The following BCAS2 variants were observed in gnomAD, a reference collection of about 807,000 sequenced individuals.
BCAS2 encodes the protein pre-mRNA-splicing factor SPF27.
A neutral mutation model predicts 35.3 loss-of-function variants in BCAS2; 34 were observed. The observed-to-expected ratio is 0.96, with a 90% CI of 0.73 to 1.28. The LOEUF is 1.28. Ranked by LOEUF, BCAS2 falls within the 50% of genes most tolerant of loss-of-function variation. BCAS2 has a pLI of 0.00. For synonymous variants in BCAS2, 75 were observed against 91.6 expected (o/e 0.82, Z 1.03); for missense variants, 221 against 268.1 (o/e 0.82, Z 1.23).
At chr1:114,569,197 T>C (rs1212590686) in intron 6 of BCAS2, among the ~76,000 whole-genome samples, 1 of 152,120 alleles carries the variant, frequency 6.6e-6, no homozygotes, top group African/African-American at 2.4e-5. Context: ...GAAGATAGTA[T>C]TTAATCAACA....
In BCAS2 at chr1:114,567,751, CTCTT is replaced by C. The variant is rs746934266; in HGVS notation, c.*375_*378del. The C allele has an allele frequency of 4.3e-4, 72 of 168,658 alleles. No individual in the cohort carries two copies. The highest frequency in any genetic ancestry group is 7.8e-4 in the Non-Finnish European group (61 of 77,954). 10.4% of individuals were successfully genotyped at this position (168,658 alleles called of 1,614,324 possible). On this transcript the variant is annotated 3_prime_UTR_variant, in exon 7 of 7. Transcript: ENST00000369541. ...TGATCAAGAATGTGTTTAGAACTATCTCTTTATTAGACAAAGTCATAAACCAAAA... is the reference window on the plus strand; with the variant it reads ...TGATCAAGAATGTGTTTAGAACTATCTATTAGACAAAGTCATAAACCAAAA...
chr1:114,576,823 A>G (rs573780560), intron 2 of BCAS2, 65 bp from the exon 3 acceptor site: 11 of 1,269,892 alleles, frequency 8.7e-6, no homozygotes, highest in African/African-American at 5.9e-5. Context: ...AACAATCACC[A>G]AAGAACAGAT....
chr1:114,578,093 G>A (rs989172854), intron 2 of BCAS2, among the ~76,000 whole-genome samples: 2 of 152,136 alleles, frequency 1.3e-5, no homozygotes, highest in Admixed American at 1.3e-4. Context: ...CGGAGGCTGA[G>A]GCAGGAGAAT....
At chr1:114,568,347 G>T in intron 6 of BCAS2, 91 bp from the exon 7 acceptor site, 1 of 1,326,982 alleles carries the variant, frequency 7.5e-7, no homozygotes, top group Non-Finnish European at 1.0e-6. Flanking sequence ...TGTTCACCCA[G>T]AGCTATAACA....
intron 4 of BCAS2, among the ~76,000 whole-genome samples, chr1:114,573,245 C>T (rs536911674): frequency 6.6e-6 from 1 of 150,878 alleles, no homozygotes; most frequent in African/African-American, 2.4e-5. Context: ...TTTTCCTCTG[C>T]ATCTATGCTC....
chr1:114,580,074 C>T (rs982404828), intron 2 of BCAS2, among the ~76,000 whole-genome samples: 2 of 152,002 alleles, frequency 1.3e-5, no homozygotes, highest in Non-Finnish European at 2.9e-5. Context: ...GCTGGGGCTA[C>T]AGGTGCATGC....
intron 3 of BCAS2, 75 bp downstream of exon 3, chr1:114,576,613 T>C: frequency 7.9e-7 from 1 of 1,271,670 alleles, no homozygotes; most frequent in Non-Finnish European, 1.1e-6. Context: ...AGCCAGCAAA[T>C]ACATTCTTCA....
At chr1:114,574,287 G>T (rs766636513) in intron 4 of BCAS2, among the ~76,000 whole-genome samples, 30 of 152,214 alleles carry the variant, frequency 2.0e-4, no homozygotes, top group Non-Finnish European at 3.2e-4. Flanking sequence ...CACATTTTCA[G>T]CTGAGGATGA....
rs1248222502 is a variant in BCAS2 at position 114,568,168 on chromosome 1, C to T, written c.640G>A (p.Gly214Arg). 9 of 1,613,268 alleles carry T rather than the reference C, an allele frequency of 5.6e-6. No individual in the cohort carries two copies. The Admixed American group carries it at 6.7e-5, about 12-fold the overall frequency. ...CGGATGTTTTCTTTGTTTGCCTCTCCATGTTGCTGCTTAATTTGATAGATT... is the reference window on the plus strand; with the variant it reads ...CGGATGTTTTCTTTGTTTGCCTCTCTATGTTGCTGCTTAATTTGATAGATT... Reference protein sequence around the residue: ...NEIYQIKQQHGEANKENIRQD... With the variant: ...NEIYQIKQQHREANKENIRQD... Residue 214 changes from glycine (G) to arginine (R), a missense_variant, in exon 7 of 7, where the codon GGA (glycine) becomes AGA (arginine). By Grantham distance (125) the Gly-to-Arg change is moderately radical. Transcript: ENST00000369541.
At chr1:114,568,903 C>T (rs1654584934) in intron 6 of BCAS2, among the ~76,000 whole-genome samples, 1 of 151,524 alleles carries the variant, frequency 6.6e-6, no homozygotes, top group Non-Finnish European at 1.5e-5. Flanking sequence ...GCTTAGACTA[C>T]AGGTGCATGC....
chr1:114,579,749 C>A (rs1416324167), intron 2 of BCAS2, among the ~76,000 whole-genome samples: 1 of 151,954 alleles, frequency 6.6e-6, no homozygotes, highest in Non-Finnish European at 1.5e-5. Flanking sequence ...ACCTGCAATC[C>A]CAGCTACTCG....
rs564301034 is a variant in BCAS2, at chr1:114,581,482, A to T, written c.93+17T>A. 4.2e-5 allele frequency: 68 copies of T among 1,614,114 alleles called. No homozygotes were observed. The South Asian group carries it at 7.2e-4, about 17-fold the overall frequency. On this transcript the variant is annotated intron_variant, in intron 1 of 6. Coordinates refer to ENST00000369541, the MANE Select transcript of BCAS2 (RefSeq NM_005872.3). ...CCAGCTAGCAGTGAGTCAGCTACAA[A>T]GACACCCCGCACTCACCGCTTCCCG...
chr1:114,567,906 C>G lies in BCAS2; in HGVS notation c.*224G>C, dbSNP rs1348650240. ...TCTAAAGTCATCCTTATTTTGAAAGCCTAAAGATTTTCTTTTATGGCTATA... is the reference window on the plus strand; with the variant it reads ...TCTAAAGTCATCCTTATTTTGAAAGGCTAAAGATTTTCTTTTATGGCTATA... On this transcript the variant is annotated 3_prime_UTR_variant, in exon 7 of 7. Coordinates refer to ENST00000369541, the MANE Select transcript of BCAS2 (RefSeq NM_005872.3). The G allele has an allele frequency of 2.1e-6, 1 of 469,348 alleles. No homozygotes were observed. The highest frequency in any genetic ancestry group is 2.0e-5 in the African/African-American group (1 of 51,046). The allele number at this position is 469,348 out of a possible 1,614,324, so 29.1% of individuals were successfully genotyped here.
intron 4 of BCAS2, among the ~76,000 whole-genome samples, chr1:114,573,728 C>T (rs1020981398): frequency 3.3e-5 from 5 of 152,010 alleles, no homozygotes; most frequent in Non-Finnish European, 7.4e-5. Context: ...CTTAATCACC[C>T]TAATCCCATT....
At chr1:114,580,159 A>T (rs1012341703) in intron 2 of BCAS2, among the ~76,000 whole-genome samples, 1 of 152,108 alleles carries the variant, frequency 6.6e-6, no homozygotes, top group Non-Finnish European at 1.5e-5. Flanking sequence ...GCTGGTCTCA[A>T]GTGATCCTCA....
rs201857003 is a variant in BCAS2, at chr1:114,576,763, T to C, written c.187-5A>G. ...TTCATTTCTCATTATGTCAGTCTGA[T>C]GTGTAAATCAGAAAAAAGATTTCTA... is the stretch of plus-strand genomic sequence containing the variant. On this transcript the variant is annotated splice_region_variant and splice_polypyrimidine_tract_variant and intron_variant, in intron 2 of 6. Transcript: ENST00000369541. 23 of 1,604,398 alleles carry C rather than the reference T, an allele frequency of 1.4e-5. No homozygotes were observed. The highest frequency in any genetic ancestry group is 2.2e-5 in the East Asian group (1 of 44,826).
chr1:114,569,186 T>G (rs1654591238), intron 6 of BCAS2, among the ~76,000 whole-genome samples: 1 of 151,096 alleles, frequency 6.6e-6, no homozygotes, highest in South Asian at 2.1e-4. Flanking sequence ...GAAAGAGTGA[T>G]GAAGATAGTA....
At chr1:114,577,377 A>ATTTTT (rs113493679) in intron 2 of BCAS2, among the ~76,000 whole-genome samples, 1 of 149,794 alleles carries the variant, frequency 6.7e-6, no homozygotes, top group African/African-American at 2.4e-5. Context: ...TTATTTATTT[A>ATTTTT]TTTTTTTTTT....
rs755837946 is a variant in BCAS2 at position 114,570,039 on chromosome 1, C to T, written c.504G>A (p.Lys168=). ...TAGATCCAGCTGTGAGTTGCATGTT[C>T]TTTCTCTGCCAGTTTAAATCTTGAA... ...KHIQDLNWQR[K]NMQLTAGSKL... Residue 168 remains lysine, a synonymous_variant, in exon 6 of 7, where the codon AAG becomes AAA. Transcript: ENST00000369541. 6.8e-6 allele frequency: 11 copies of T among 1,611,836 alleles called. No individual in the cohort carries two copies. In the South Asian group the frequency reaches 1.1e-4, roughly 16 times the overall value.
Sources: allele counts gnomAD v4.1 joint callset (sites outside exome capture counted in the v4.1 genomes callset), GRCh38; gene constraint gnomAD v4.1.1; transcripts MANE v1.5; gene names NCBI Gene and HGNC (gene_info 2026-07-23, HGNC 2026-07-21).